STMN2: variants seen among roughly 807,000 people sequenced by gnomAD.
The protein encoded by STMN2 is stathmin 2, also known as stathmin-2.
STMN2 carries 2 observed loss-of-function variants against 24.1 expected under a neutral mutation model. The ratio of observed to expected loss-of-function variants is 0.08; its 90% CI spans 0.03 to 0.26. The LOEUF (loss-of-function observed/expected upper bound fraction) is 0.26, where lower values mean the gene tolerates loss of function less well. Ranked by LOEUF, STMN2 falls within the 10% of genes least tolerant of loss-of-function variation. The pLI, the probability that STMN2 is intolerant of heterozygous loss-of-function variation, is 1.00. For synonymous variants in STMN2, 83 were observed against 77.5 expected, an observed-to-expected ratio of 1.07 and a Z score of -0.37; for missense variants, 114 against 213.6, an observed-to-expected ratio of 0.53 and a Z score of 2.91.
intron 1 of STMN2, among the ~76,000 whole-genome samples, chr8:79,634,774 A>G (rs1809902371): frequency 6.6e-6 from 1 of 152,180 alleles, no homozygotes; most frequent in Non-Finnish European, 1.5e-5. Context: ...TAAAGCATCC[A>G]GGGGTTGAAT....
intron 1 of STMN2, among the ~76,000 whole-genome samples, chr8:79,614,885 G>A (rs1453123758): frequency 6.6e-6 from 1 of 152,198 alleles, no homozygotes; most frequent in East Asian, 1.9e-4. Flanking sequence ...CTAATGGATA[G>A]ATGGTGGAAT....
chr8:79,613,306 G>C lies in STMN2; in HGVS notation c.19+2092G>C, dbSNP rs549690600. Among the ~76,000 whole-genome samples the C allele has an allele frequency of 1.2e-4, 18 of 152,296 alleles. No individual in the cohort carries two copies. The South Asian group carries it at 2.9e-3, about 25-fold the overall frequency. On this transcript the variant is annotated intron_variant, in intron 1 of 4. Transcript: ENST00000220876. ...CAGAGCCGCCTACCGCTGGCCGGGT[G>C]GGGGCGCACGTGGCGACTGGGTGTG... is the stretch of plus-strand genomic sequence containing the variant.
intron 1 of STMN2, chr8:79,611,711 GA>G: frequency 1.0e-6 from 1 of 966,186 alleles, no homozygotes; most frequent in Non-Finnish European, 1.2e-6. Context: ...GAGACGGGGG[GA>G]GGGGATGGAG....
Position 79,611,123 on chromosome 8 carries a change from C to T in STMN2, c.-73C>T, listed in dbSNP as rs1382285615. 2.5e-6 allele frequency: 4 copies of T among 1,603,440 alleles called. No homozygotes were observed. The highest frequency in any genetic ancestry group is 3.4e-6 in the Non-Finnish European group (4 of 1,172,404). ...CAGACTCAGTGCCTTATTCAGTCTT[C>T]TCTCTCGCTCTCTCCGCTGCTGTAG... On this transcript the variant is annotated 5_prime_UTR_variant, in exon 1 of 5. Coordinates refer to ENST00000220876, the MANE Select transcript of STMN2 (RefSeq NM_007029.4).
intron 1 of STMN2, chr8:79,613,706 T>C: frequency 1.0e-6 from 1 of 985,478 alleles, no homozygotes; most frequent in Non-Finnish European, 1.2e-6. Context: ...TTAACCCTTG[T>C]TGCGTTCGCT....
At chr8:79,637,546 T>C (rs1466769836) in intron 2 of STMN2, among the ~76,000 whole-genome samples, 4 of 152,226 alleles carry the variant, frequency 2.6e-5, no homozygotes, top group Non-Finnish European at 5.9e-5. Flanking sequence ...GTCAAATAGA[T>C]ACTTGGATTC....
intron 3 of STMN2, 34 bp downstream of exon 3, chr8:79,641,584 C>G: frequency 1.3e-6 from 2 of 1,593,048 alleles, no homozygotes; most frequent in Middle Eastern, 3.7e-4. Context: ...TTCTCTCTCT[C>G]CCTCCCCTGC....
At chr8:79,640,440 A>C (rs1421135024) in intron 2 of STMN2, among the ~76,000 whole-genome samples, 2 of 121,144 alleles carry the variant, frequency 1.7e-5, no homozygotes, top group African/African-American at 5.5e-5. Context: ...AAATGACAGG[A>C]TTTCCCCCAA....
intron 3 of STMN2, among the ~76,000 whole-genome samples, chr8:79,644,746 A>G (rs1219034852): frequency 1.3e-5 from 2 of 152,222 alleles, no homozygotes; most frequent in South Asian, 4.1e-4. Context: ...TATTTAGTTC[A>G]TACACTATTC....
intron 4 of STMN2, chr8:79,663,707 G>T (rs1350564401): frequency 7.9e-6 from 11 of 1,399,598 alleles, no homozygotes; most frequent in Non-Finnish European, 1.0e-5. Flanking sequence ...CTAATAATTA[G>T]CATCTTAAAA....
chr8:79,646,113 CT>C (rs1810212254), intron 3 of STMN2, among the ~76,000 whole-genome samples: 1 of 151,898 alleles, frequency 6.6e-6, no homozygotes, highest in African/African-American at 2.4e-5. Flanking sequence ...CAATATATAG[CT>C]TGTTTTGATT....
chr8:79,614,727 T>C lies in STMN2; in HGVS notation c.19+3513T>C, dbSNP rs561565679. On this transcript the variant is annotated intron_variant, in intron 1 of 4. Transcript: ENST00000220876. ...TGGTTTTTTTTTACAATAATGTGAC[T>C]TACAGATTTGTAGTAAATTATTCTA... 1.3e-4 allele frequency among the ~76,000 whole-genome samples: 20 copies of C among 152,378 alleles called. No homozygotes were observed. The South Asian group carries it at 4.1e-3, about 32-fold the overall frequency.
At chr8:79,654,367 G>C (rs1810401140) in intron 3 of STMN2, among the ~76,000 whole-genome samples, 2 of 151,892 alleles carry the variant, frequency 1.3e-5, no homozygotes, top group African/African-American at 4.8e-5. Flanking sequence ...GGGGGGAAGG[G>C]GGTGTGAAAT....
chr8:79,635,133 G>T (rs964426530), intron 1 of STMN2, among the ~76,000 whole-genome samples: 2 of 152,262 alleles, frequency 1.3e-5, no homozygotes, highest in East Asian at 1.9e-4. Flanking sequence ...ACAGTGATGA[G>T]ATACTCACCA....
intron 1 of STMN2, chr8:79,613,885 T>G: frequency 2.1e-6 from 2 of 942,402 alleles, no homozygotes; most frequent in African/African-American, 3.5e-5. Context: ...AGGGTTTGTG[T>G]GCCAACGATT....
intron 4 of STMN2, among the ~76,000 whole-genome samples, chr8:79,657,267 A>G (rs1806397768): frequency 6.6e-6 from 1 of 151,790 alleles, no homozygotes; most frequent in South Asian, 2.1e-4. Flanking sequence ...TTAACGGACC[A>G]TTTTTTTCCT....
intron 1 of STMN2, among the ~76,000 whole-genome samples, chr8:79,612,173 CG>C (rs1350546076): frequency 6.6e-6 from 1 of 151,966 alleles, no homozygotes; most frequent in African/African-American, 2.4e-5. Flanking sequence ...CGCCACGCCC[CG>C]CGCTCCCCGC....
Position 79,641,544 on chromosome 8 carries a change from A to G in STMN2, c.282A>G (p.Arg94=), listed in dbSNP as rs776825109. The change falls in exon 3 of 5, where the codon AGA becomes AGG. Residue 94 remains arginine, a synonymous_variant. Transcript: ENST00000220876. ...IQKKLEAAEE[R]RKSQEAQVLK... is the part of the protein sequence containing the mutation. ...AGAAACTGGAGGCTGCAGAGGAAAG[A>G]AGAAAGGTAACTTTTTCCATAGGTT... 1 of 1,611,032 alleles carries G rather than the reference A, an allele frequency of 6.2e-7. No homozygotes were observed. The highest frequency in any genetic ancestry group is 8.5e-7 in the Non-Finnish European group (1 of 1,178,960).
chr8:79,629,689 T>C (rs1809753528), intron 1 of STMN2, among the ~76,000 whole-genome samples: 1 of 152,180 alleles, frequency 6.6e-6, no homozygotes, highest in Non-Finnish European at 1.5e-5. Context: ...TCATCTCCCA[T>C]TAATTATTTA....
Sources: gnomAD v4.1 joint callset for allele counts (sites outside exome capture counted in the v4.1 genomes callset) on GRCh38, gnomAD v4.1.1 for gene constraint, MANE v1.5 for transcripts, NCBI Gene and HGNC (gene_info 2026-07-23, HGNC 2026-07-21) for gene names.